The following FIBCD1 variants were observed in gnomAD, a reference collection of about 807,000 sequenced individuals.
FIBCD1 encodes the protein fibrinogen C domain-containing protein 1.
Under a neutral mutation model 45.1 loss-of-function variants are expected in FIBCD1, and 47 were observed. The ratio of observed to expected loss-of-function variants is 1.04; its 90% CI spans 0.82 to 1.33. FIBCD1 has a LOEUF of 1.33. Ranked by LOEUF, FIBCD1 falls within the 40% of genes most tolerant of loss-of-function variation. The probability of loss-of-function intolerance (pLI) is 0.00; values close to 1 mark genes in which losing one functional copy is unlikely to be tolerated. For missense variants in FIBCD1, 653 were observed against 682.2 expected, an observed-to-expected ratio of 0.96 and a Z score of 0.48; for synonymous variants, 313 against 308.1, an observed-to-expected ratio of 1.02 and a Z score of -0.17.
chr9:130,916,647 G>A (rs1832166164), intron 4 of FIBCD1, among the ~76,000 whole-genome samples: 2 of 152,366 alleles, frequency 1.3e-5, no homozygotes, highest in South Asian at 2.1e-4. Context: ...CCTTGGTGAC[G>A]CCAGATGCCT....
intron 5 of FIBCD1, among the ~76,000 whole-genome samples, chr9:130,911,232 CAT>C (rs1289840351): frequency 3.9e-5 from 6 of 152,264 alleles, no homozygotes; most frequent in Admixed American, 2.0e-4. Context: ...AAACTCCGAA[CAT>C]ATCCGAACAT....
intron 1 of FIBCD1, among the ~76,000 whole-genome samples, chr9:130,933,624 C>T (rs942990966): frequency 1.3e-5 from 2 of 151,330 alleles, no homozygotes; most frequent in East Asian, 1.9e-4. Context: ...GCCAGCAGGG[C>T]GGCAGGCAGC....
At chr9:130,909,822 A>G (rs11244190) in intron 5 of FIBCD1, among the ~76,000 whole-genome samples, 79,784 of 151,862 alleles carry the variant, frequency 0.53, 22,749 homozygotes, top group African/African-American at 0.75. Context: ...GAATTTAAAC[A>G]TAGGTAATGA....
rs1203645094 is a variant in FIBCD1 at position 130,929,770 on chromosome 9, G to A, written c.349C>T (p.Gln117Ter). ...RLESAQASVL[Q>*]ALTEHQAQPR... is the part of the protein sequence containing the mutation. ...TGGGCCTGGTGCTCTGTCAGCGCCT[G>A]CAGCACCGAGGCCTGGGCGCTCTCC... The change falls in exon 2 of 7, where the codon CAG becomes TAG. Residue 117 changes from glutamine to a stop codon, truncating the protein, a stop_gained. Coordinates refer to ENST00000372338, the MANE Select transcript of FIBCD1 (RefSeq NM_032843.5). LOFTEE classifies it high-confidence loss of function. 6.4e-7 allele frequency: 1 copy of A among 1,558,850 alleles called. No individual in the cohort carries two copies. The highest frequency in any genetic ancestry group is 1.4e-5 in the African/African-American group (1 of 73,442).
chr9:130,916,509 C>G (rs1832163726), intron 4 of FIBCD1, among the ~76,000 whole-genome samples: 1 of 152,254 alleles, frequency 6.6e-6, no homozygotes, highest in South Asian at 2.1e-4. Context: ...AAGTGCCGAG[C>G]ACGGCCCAGA....
chr9:130,938,451 C>G, intron 1 of FIBCD1, 85 bp downstream of exon 1: 2 of 1,216,458 alleles, frequency 1.6e-6, no homozygotes, highest in Non-Finnish European at 2.2e-6. Context: ...AACTCCAGCC[C>G]CCGCAATGGG....
chr9:130,934,309 G>A (rs1178994444), intron 1 of FIBCD1, among the ~76,000 whole-genome samples: 1 of 152,202 alleles, frequency 6.6e-6, no homozygotes, highest in Non-Finnish European at 1.5e-5. Flanking sequence ...TGGTGGCTCT[G>A]CTCACCATTC....
At chr9:130,933,733 G>GC (rs1401404113) in intron 1 of FIBCD1, 1 of 141,392 alleles carries the variant, frequency 7.1e-6, no homozygotes, top group Non-Finnish European at 1.6e-5. Context: ...CGGGTGGGGG[G>GC]GGGGCGGCTC....
chr9:130,925,229 G>A (rs1832338513), intron 2 of FIBCD1, among the ~76,000 whole-genome samples: 1 of 152,180 alleles, frequency 6.6e-6, no homozygotes, highest in Admixed American at 6.5e-5. Context: ...ACTTCAGGTT[G>A]TCATCTCTTG....
chr9:130,919,636 G>A lies in FIBCD1; in HGVS notation c.849+4108C>T, dbSNP rs181171659. Among the ~76,000 whole-genome samples the A allele has an allele frequency of 2.8e-4, 42 of 152,314 alleles. No homozygotes were observed. The East Asian group carries it at 7.7e-3, about 28-fold the overall frequency. On this transcript the variant is annotated intron_variant, in intron 4 of 6. Coordinates refer to ENST00000372338, the MANE Select transcript of FIBCD1 (RefSeq NM_032843.5). The stretch of plus-strand genomic sequence containing the variant: ...TAAAGAGCTCAGGTGGGGGGATGTG[G>A]GGGCTCCTTTCCAGGGGAGCCAATT...
In FIBCD1 at chr9:130,926,025, G is replaced by A. The variant is rs183024124; in HGVS notation, c.553-1629C>T. ...AGGGCTGAGGCCAGGGGAGAGAGGA[G>A]CAGAGATGGGCAGGCAGGGCGTTTG... On this transcript the variant is annotated intron_variant, in intron 2 of 6. Transcript: ENST00000372338. This position sits in a 1 kb window ranked among gnomAD's most constrained non-coding sequence, Gnocchi z 4.1. Among the ~76,000 whole-genome samples the A allele has an allele frequency of 2.8e-4, 42 of 152,320 alleles. 1 individual carries two copies. The highest frequency in any genetic ancestry group is 2.7e-3 in the Admixed American group (42 of 15,304).
intron 3 of FIBCD1, 37 bp downstream of exon 3, chr9:130,924,200 C>G: frequency 6.6e-7 from 1 of 1,526,020 alleles, no homozygotes; most frequent in Non-Finnish European, 8.8e-7. Context: ...AGCTGGGACC[C>G]GAGGCACCGG....
rs1356131201 is a variant in FIBCD1 at position 130,929,681 on chromosome 9, C to T, written c.438G>A (p.Arg146=). ...GCAGCTCTGAGGCTCGGGCCAGCAG[C>T]CGGGGCAGCTGGTCGGCCAGCGTGT... ...LLDTLADQLP[R]LLARASELQT... Residue 146 remains arginine (R), a synonymous_variant, in exon 2 of 7, where the codon CGG becomes CGA. Coordinates refer to ENST00000372338, the MANE Select transcript of FIBCD1 (RefSeq NM_032843.5). 2.5e-6 allele frequency: 4 copies of T among 1,603,540 alleles called. No individual in the cohort carries two copies. Among genetic ancestry groups the T allele is most frequent in the Admixed American group, 1.7e-5 (1 of 59,252 alleles).
rs761879128 is a variant in FIBCD1 at position 130,907,295 on chromosome 9, C to T, written c.947-1882G>A. Reference sequence around the variant, plus strand: ...TGGGGACCTGGGGCCTGGGTCCTCTCCGTCCTTCCTCCAGTCCACGCCACC... The same window carrying T: ...TGGGGACCTGGGGCCTGGGTCCTCTTCGTCCTTCCTCCAGTCCACGCCACC... On this transcript the variant is annotated intron_variant, in intron 5 of 6. Transcript: ENST00000372338. Among the ~76,000 whole-genome samples, 301 of 152,254 alleles carry T rather than the reference C, an allele frequency of 2.0e-3. 4 individuals are homozygous for T. The highest frequency in any genetic ancestry group is 6.8e-3 in the Middle Eastern group (2 of 294).
intron 4 of FIBCD1, among the ~76,000 whole-genome samples, chr9:130,916,806 G>C (rs78624408): frequency 6.9e-6 from 1 of 144,528 alleles, no homozygotes; most frequent in Non-Finnish European, 1.6e-5. Context: ...TAGGCAAAAA[G>C]GGGTGGGGAG....
chr9:130,930,336 G>A (rs1342365126), intron 1 of FIBCD1, among the ~76,000 whole-genome samples: 2 of 151,552 alleles, frequency 1.3e-5, no homozygotes, highest in East Asian at 1.9e-4. Flanking sequence ...GGGGAGACGC[G>A]GGGAGACGCA....
chr9:130,911,333 C>T (rs528006891), intron 5 of FIBCD1, among the ~76,000 whole-genome samples: 372 of 152,056 alleles, frequency 2.4e-3, no homozygotes, highest in Non-Finnish European at 3.6e-3. Context: ...TCAGTGAGAC[C>T]AAGAACCCAC....
chr9:130,910,406 C>A (rs1360051086), intron 5 of FIBCD1, among the ~76,000 whole-genome samples: 4 of 152,354 alleles, frequency 2.6e-5, no homozygotes, highest in African/African-American at 7.2e-5. Context: ...AGCCTCCCAC[C>A]CCCTCCGTGG....
At chr9:130,928,394 G>A (rs1433158138) in intron 2 of FIBCD1, among the ~76,000 whole-genome samples, 5 of 152,186 alleles carry the variant, frequency 3.3e-5, no homozygotes, top group Non-Finnish European at 7.4e-5. Context: ...GGGGTCCCAG[G>A]TCAGCCAGAA....
Sources: gnomAD v4.1 joint callset for allele counts (sites outside exome capture counted in the v4.1 genomes callset) on GRCh38, gnomAD v4.1.1 for gene constraint, Gnocchi (gnomAD v3.1) non-coding constraint, MANE v1.5 for transcripts, NCBI Gene and HGNC (gene_info 2026-07-23, HGNC 2026-07-21) for gene names.